The following DPP6 variants were observed in gnomAD, a reference collection of about 807,000 sequenced individuals.
The protein encoded by DPP6 is dipeptidyl peptidase like 6, also known as A-type potassium channel modulatory protein DPP6.
A neutral mutation model predicts 122.6 loss-of-function variants in DPP6; 69 were observed. The ratio of observed to expected loss-of-function variants is 0.56; its 90% CI spans 0.46 to 0.69. The LOEUF is 0.69. Among genes scored for constraint, DPP6 ranks in the 30% least tolerant of loss-of-function variants. DPP6 has a pLI of 0.00. For missense variants in DPP6, 928 were observed against 1,116.9 expected (o/e 0.83, Z 2.41); for synonymous variants, 418 against 433.1 (o/e 0.97, Z 0.43).
At chr7:154,719,523 A>G (rs1841685249) in intron 7 of DPP6, among the ~76,000 whole-genome samples, 1 of 152,194 alleles carries the variant, frequency 6.6e-6, no homozygotes, top group Non-Finnish European at 1.5e-5. Context: ...ATGGATACAC[A>G]GTGGGAATGA....
chr7:154,855,285 T>C (rs1466938562), intron 17 of DPP6, among the ~76,000 whole-genome samples: 1 of 152,056 alleles, frequency 6.6e-6, no homozygotes, highest in East Asian at 1.9e-4. Context: ...AAAGCATAAG[T>C]AATCATAAAA....
At chr7:154,667,597 C>T (rs1404932644) in intron 6 of DPP6, among the ~76,000 whole-genome samples, 1 of 152,094 alleles carries the variant, frequency 6.6e-6, no homozygotes, top group African/African-American at 2.4e-5. Flanking sequence ...GTGGCAGGTG[C>T]CTATAATCCC....
At chr7:154,667,371 T>C (rs1838230013) in intron 6 of DPP6, among the ~76,000 whole-genome samples, 1 of 152,110 alleles carries the variant, frequency 6.6e-6, no homozygotes, top group South Asian at 2.1e-4. Context: ...TCAAAGCTTT[T>C]CTCTACACCA....
chr7:154,254,881 A>C (rs1345192936), intron 1 of DPP6, among the ~76,000 whole-genome samples: 1 of 152,182 alleles, frequency 6.6e-6, no homozygotes, highest in Non-Finnish European at 1.5e-5. Flanking sequence ...GCATGTTGAA[A>C]GCTAAGGAGA....
At chr7:153,945,148 T>C (rs903781898) in intron 1 of DPP6, among the ~76,000 whole-genome samples, 2 of 152,190 alleles carry the variant, frequency 1.3e-5, no homozygotes, top group East Asian at 3.9e-4. Flanking sequence ...ACCCTGCTGG[T>C]GCCAACAACT....
At chr7:154,348,570 TG>T (rs1463333586) in intron 1 of DPP6, among the ~76,000 whole-genome samples, 5 of 152,296 alleles carry the variant, frequency 3.3e-5, no homozygotes, top group South Asian at 2.1e-4. Flanking sequence ...TTTAGACTCA[TG>T]AAAGGTAGAA....
chr7:153,761,002 G>A, the DPP6 span, among the ~76,000 whole-genome samples: 1 of 152,096 alleles, frequency 6.6e-6, no homozygotes, highest in African/African-American at 2.4e-5. Context: ...GTTTAGCTCA[G>A]AGTCTCCTGG....
chr7:154,663,140 C>T (rs552088425), intron 6 of DPP6, among the ~76,000 whole-genome samples: 1,273 of 53,616 alleles, frequency 0.024, 345 homozygotes, highest in Middle Eastern at 0.15. Context: ...GTAGTGTTCA[C>T]GCAGTCATGG....
intron 16 of DPP6, among the ~76,000 whole-genome samples, chr7:154,824,263 TG>T (rs11287943): frequency 0.8 from 121,087 of 152,098 alleles, 48,338 homozygotes; most frequent in Non-Finnish European, 0.83. Context: ...TTGTTGTTGT[TG>T]TTGTTTTGTT....
At chr7:154,343,282 C>T (rs915698432) in intron 1 of DPP6, among the ~76,000 whole-genome samples, 5 of 152,222 alleles carry the variant, frequency 3.3e-5, no homozygotes, top group Non-Finnish European at 5.9e-5. Flanking sequence ...TCCCCAAAGG[C>T]ACACAGCTAA....
chr7:154,432,850 G>A lies in DPP6; in HGVS notation c.244-13364G>A, dbSNP rs553159331. Among the ~76,000 whole-genome samples, 8 of 152,230 alleles carry A rather than the reference G, an allele frequency of 5.3e-5. No individual in the cohort carries two copies. In the East Asian group the frequency reaches 1.5e-3, roughly 29 times the overall value. On this transcript the variant is annotated intron_variant, in intron 1 of 25. Coordinates refer to ENST00000377770, the MANE Select transcript of DPP6 (RefSeq NM_130797.4). ...CTTTTGACTTGGTAAAAGAAAAATT[G>A]TACTTAGGAAAAGCTGCCCTCATAT...
At chr7:154,514,779 A>G (rs1355917897) in intron 3 of DPP6, among the ~76,000 whole-genome samples, 3 of 152,064 alleles carry the variant, frequency 2.0e-5, no homozygotes, top group African/African-American at 7.2e-5. Flanking sequence ...TTGTTTACCC[A>G]TTTATCTGTC....
In DPP6 at chr7:154,330,699, G is replaced by C. The variant is rs370890553; in HGVS notation, c.244-115515G>C. Among the ~76,000 whole-genome samples the C allele has an allele frequency of 2.0e-5, 3 of 152,198 alleles. 1 individual carries two copies. The highest frequency in any genetic ancestry group is 4.4e-5 in the Non-Finnish European group (3 of 68,034). ...CCGTGTACTTCTGGTGTACTTCTGC[G>C]TGCACGTTGGTGTACACACCCTCTG... On this transcript the variant is annotated intron_variant, in intron 1 of 25. Coordinates refer to ENST00000377770, the MANE Select transcript of DPP6 (RefSeq NM_130797.4).
chr7:153,864,455 G>T, the DPP6 span, among the ~76,000 whole-genome samples: 14 of 152,168 alleles, frequency 9.2e-5, no homozygotes, highest in Non-Finnish European at 1.9e-4. Context: ...ATGAGTTCAA[G>T]ACCAGACTGG....
At chr7:153,918,559 ACACACAGTCTCTCTCTCTCT>A (rs1800464893) in intron 1 of DPP6, among the ~76,000 whole-genome samples, 1 of 83,144 alleles carries the variant, frequency 1.2e-5, no homozygotes, top group African/African-American at 4.0e-5. Context: ...ACACACACAC[ACACACAGTCTCTCTCTCTCT>A]CTCTCTCTCT....
At chr7:154,775,660 G>A (rs549888514) in intron 10 of DPP6, among the ~76,000 whole-genome samples, 15 of 152,066 alleles carry the variant, frequency 9.9e-5, no homozygotes, top group Admixed American at 2.6e-4. Context: ...TGAGTCTGCC[G>A]GGTTACTCAG....
intron 1 of DPP6, chr7:154,059,062 G>A (rs1329981538): frequency 1.5e-5 from 2 of 134,934 alleles, no homozygotes; most frequent in African/African-American, 5.8e-5. Context: ...CGGGGACTGA[G>A]AGCCAGTCCC....
At position 154,064,160 on chromosome 7, in the gene DPP6, AC is replaced by A. The variant is rs1187863319; in HGVS notation, c.243+11098del. 1.2e-4 allele frequency among the ~76,000 whole-genome samples: 18 copies of A among 152,188 alleles called. No individual in the cohort carries two copies. In the South Asian group the frequency reaches 1.7e-3, roughly 14 times the overall value. ...ACACTCATCTACCCTGTACCCCCAT[AC>A]ACCTCTGTCCCGCTCCCCGTTCAGG... On this transcript the variant is annotated intron_variant, in intron 1 of 25. Coordinates refer to ENST00000377770, the MANE Select transcript of DPP6 (RefSeq NM_130797.4).
At chr7:154,742,537 C>T (rs568427) in intron 8 of DPP6, among the ~76,000 whole-genome samples, 44,246 of 152,022 alleles carry the variant, frequency 0.29, 6,771 homozygotes, top group South Asian at 0.5. Context: ...ATCATAGCTC[C>T]CAATCTTTTC....
Sources: gnomAD v4.1 joint callset for allele counts (sites outside exome capture counted in the v4.1 genomes callset) on GRCh38, gnomAD v4.1.1 for gene constraint, MANE v1.5 for transcripts, NCBI Gene and HGNC (gene_info 2026-07-23, HGNC 2026-07-21) for gene names.